The following SORBS2 variants were observed in gnomAD, a reference collection of about 807,000 sequenced individuals.
SORBS2 encodes sorbin and SH3 domain-containing protein 2.
Under a neutral mutation model 97.7 loss-of-function variants are expected in SORBS2, and 46 were observed. The ratio of observed to expected loss-of-function variants is 0.47; its 90% confidence interval spans 0.37 to 0.60. The LOEUF (loss-of-function observed/expected upper bound fraction) is 0.60, where lower values mean the gene tolerates loss of function less well. Among genes scored for constraint, SORBS2 ranks in the 20% least tolerant of loss-of-function variants. SORBS2 has a pLI of 0.00. For missense variants in SORBS2, 1,316 were observed against 1,282.3 expected (o/e 1.03, Z -0.40); for synonymous variants, 476 against 473.4 (o/e 1.01, Z -0.07).
At position 185,685,021 on chromosome 4, in the gene SORBS2, C is replaced by T. The variant is rs55654028; in HGVS notation, c.-197-6199G>A. Among the ~76,000 whole-genome samples, 22,933 of 152,134 alleles carry T rather than the reference C, an allele frequency of 0.15. 2,096 individuals carry two copies. Among genetic ancestry groups the T allele is most frequent in the Middle Eastern group, 0.21 (61 of 294 alleles). ...CACCCTCAAACTAAAACAAACAAAA[C>T]GAAACAAAACAAAAGAAGACCAGGG... On this transcript the variant is annotated intron_variant, in intron 2 of 20. Coordinates refer to the SORBS2 transcript ENST00000284776.
intron 1 of SORBS2, among the ~76,000 whole-genome samples, chr4:185,904,054 C>T (rs1336920516): frequency 6.6e-6 from 1 of 152,136 alleles, no homozygotes; most frequent in Non-Finnish European, 1.5e-5. Flanking sequence ...AATCTAGAAA[C>T]CACCGTACAT....
In SORBS2 at chr4:185,684,964, G is replaced by T; in HGVS notation, c.-197-6142C>A. ...TGAGAAAGATGAACAGTTAGAATTA[G>T]TAATCATGGAATGCACCTGCCAATT... is the stretch of plus-strand genomic sequence containing the variant. On this transcript the variant is annotated intron_variant, in intron 2 of 20. Coordinates refer to the SORBS2 transcript ENST00000284776. The surrounding 1 kb of genome is among the most constrained non-coding windows in gnomAD (Gnocchi z 4.2). The T allele has an allele frequency of 1.3e-6, 1 of 760,980 alleles. No homozygotes were observed. Among genetic ancestry groups the T allele is most frequent in the Non-Finnish European group, 2.2e-6 (1 of 461,452 alleles). The allele number at this position is 760,980 out of a possible 1,614,324, so 47.1% of individuals were successfully genotyped here.
chr4:185,589,590 A>C, intron 14 of SORBS2, 89 bp downstream of exon 26: 1 of 765,232 alleles, frequency 1.3e-6, no homozygotes, highest in Non-Finnish European at 2.4e-6. Flanking sequence ...ATTCAAAGGA[A>C]GCTCGGCCAT....
chr4:185,814,850 C>T (rs1408718528), intron 1 of SORBS2, among the ~76,000 whole-genome samples: 6 of 152,236 alleles, frequency 3.9e-5, no homozygotes. Flanking sequence ...TTCGCCTGCT[C>T]GAAGCCCCTC....
chr4:185,854,446 C>T (rs969134117), intron 1 of SORBS2, among the ~76,000 whole-genome samples: 3 of 152,080 alleles, frequency 2.0e-5, no homozygotes, highest in African/African-American at 4.8e-5. Flanking sequence ...TCTCAGGGAA[C>T]GGCAGATGTC....
At chr4:185,688,209 T>C (rs1026544180) in intron 2 of SORBS2, among the ~76,000 whole-genome samples, 8 of 152,110 alleles carry the variant, frequency 5.3e-5, no homozygotes, top group African/African-American at 1.9e-4. Flanking sequence ...GTATGAAAAA[T>C]TAACCACATT....
chr4:185,795,506 C>T (rs1475719754), intron 1 of SORBS2, among the ~76,000 whole-genome samples: 5 of 152,168 alleles, frequency 3.3e-5, no homozygotes, highest in Admixed American at 6.5e-5. Context: ...ATGTGGCTCC[C>T]GGGCACCTGC....
chr4:185,673,161 G>T (rs781334307), intron 4 of SORBS2, among the ~76,000 whole-genome samples: 2 of 152,154 alleles, frequency 1.3e-5, no homozygotes, highest in Admixed American at 6.5e-5. Flanking sequence ...GTTGCCAGGC[G>T]CTTGGGGAAG....
chr4:185,719,216 A>C (rs887067288), intron 2 of SORBS2, among the ~76,000 whole-genome samples: 2 of 152,206 alleles, frequency 1.3e-5, no homozygotes, highest in Non-Finnish European at 1.5e-5. Context: ...AGAAAAATTT[A>C]GTTTTTCTGG....
At chr4:185,764,055 T>C (rs2098920159) in intron 2 of SORBS2, among the ~76,000 whole-genome samples, 1 of 152,180 alleles carries the variant, frequency 6.6e-6, no homozygotes, top group Non-Finnish European at 1.5e-5. Flanking sequence ...ATAAATTAAA[T>C]TACACGAAAT....
Position 185,652,966 on chromosome 4 carries a change from G to A in SORBS2, c.25-238C>T, listed in dbSNP as rs143928347. ...CTGAGTTGGAACATTAGATGCTATGGTTTTATTTTTTCAAGTTATAGCTGT... is the reference window on the plus strand; with the variant it reads ...CTGAGTTGGAACATTAGATGCTATGATTTTATTTTTTCAAGTTATAGCTGT... On this transcript the variant is annotated intron_variant, in intron 1 of 14. Transcript: ENST00000418609. 3.7e-3 allele frequency among the ~76,000 whole-genome samples: 567 copies of A among 152,236 alleles called. 2 individuals carry two copies. The highest frequency in any genetic ancestry group is 0.013 in the African/African-American group (536 of 41,532).
intron 12 of SORBS2, among the ~76,000 whole-genome samples, chr4:185,600,333 TC>T (rs1218013021): frequency 6.6e-6 from 1 of 152,158 alleles, no homozygotes; most frequent in Non-Finnish European, 1.5e-5. Context: ...AAATGTTATA[TC>T]TTTTTTTGTC....
intron 2 of SORBS2, among the ~76,000 whole-genome samples, 169 bp downstream of exon 11, chr4:185,651,615 A>G (rs927855709): frequency 6.6e-6 from 1 of 152,216 alleles, no homozygotes; most frequent in African/African-American, 2.4e-5. Context: ...TCCATGAGAA[A>G]AGTCAATCCT....
At chr4:185,703,230 A>C (rs1412894747) in intron 2 of SORBS2, among the ~76,000 whole-genome samples, 1 of 152,216 alleles carries the variant, frequency 6.6e-6, no homozygotes, top group Non-Finnish European at 1.5e-5. Flanking sequence ...CCATTTTATA[A>C]ATCTGCACCA....
chr4:185,638,313 G>A, intron 4 of SORBS2, 151 bp from the exon 15 acceptor site: 2 of 635,086 alleles, frequency 3.1e-6, no homozygotes, highest in South Asian at 1.9e-5. Flanking sequence ...AACGGAGGAA[G>A]TAAAGTAAAA....
intron 2 of SORBS2, among the ~76,000 whole-genome samples, chr4:185,761,162 A>G (rs2153610447): frequency 6.6e-6 from 1 of 152,352 alleles, no homozygotes; most frequent in Non-Finnish European, 1.5e-5. Flanking sequence ...ACCTGAACAT[A>G]TGTTAAAATA....
At chr4:185,937,153 C>T (rs1178459026) in intron 1 of SORBS2, among the ~76,000 whole-genome samples, 3 of 151,512 alleles carry the variant, frequency 2.0e-5, no homozygotes, top group African/African-American at 7.3e-5. Context: ...AAAACTCATT[C>T]ATCTCGTGCT....
At chr4:185,917,215 CTGTATCCTT>C (rs1460421975) in intron 1 of SORBS2, among the ~76,000 whole-genome samples, 4 of 152,324 alleles carry the variant, frequency 2.6e-5, no homozygotes, top group South Asian at 4.1e-4. Context: ...GTCTCTTCAT[CTGTATCCTT>C]TGTATCCTTT....
chr4:185,678,670 G>T, intron 3 of SORBS2, 123 bp from the exon 7 acceptor site: 6 of 1,233,346 alleles, frequency 4.9e-6, no homozygotes, highest in Non-Finnish European at 6.7e-6. Context: ...CTTACTAGAG[G>T]TTTAATTTAA....
Sources: gnomAD v4.1 joint callset for allele counts (sites outside exome capture counted in the v4.1 genomes callset) on GRCh38, gnomAD v4.1.1 for gene constraint, Gnocchi (gnomAD v3.1) non-coding constraint, MANE v1.5 for transcripts, NCBI Gene and HGNC (gene_info 2026-07-23, HGNC 2026-07-21) for gene names.